Variants in CARMIL1 observed in about 807,000 individuals in gnomAD.
CARMIL1 encodes the protein F-actin-uncapping protein LRRC16A.
Under a neutral mutation model 177.1 loss-of-function variants are expected in CARMIL1, and 90 were observed. That is an observed-to-expected ratio of 0.51 (90% CI 0.43 to 0.61). CARMIL1 has a LOEUF of 0.61. Ranked by LOEUF, CARMIL1 falls within the 20% of genes least tolerant of loss-of-function variation. The pLI, the probability that CARMIL1 is intolerant of heterozygous loss-of-function variation, is 0.00. For missense variants in CARMIL1, 1,380 were observed against 1,667.0 expected (o/e 0.83, Z 3.00); for synonymous variants, 577 against 606.2 (o/e 0.95, Z 0.71).
intron 2 of CARMIL1, among the ~76,000 whole-genome samples, chr6:25,400,752 T>C (rs894923420): frequency 2.6e-5 from 4 of 152,232 alleles, no homozygotes; most frequent in African/African-American, 9.6e-5. Flanking sequence ...GGAAGGTAAC[T>C]GATAGCAGAG....
intron 2 of CARMIL1, among the ~76,000 whole-genome samples, chr6:25,367,799 C>G (rs771038589): frequency 2.6e-5 from 4 of 152,172 alleles, no homozygotes; most frequent in Non-Finnish European, 5.9e-5. Context: ...CGGTCTGTCG[C>G]CTAGGCTGGA....
chr6:25,386,750 TATTG>T (rs995461646), intron 2 of CARMIL1, among the ~76,000 whole-genome samples: 7 of 152,192 alleles, frequency 4.6e-5, no homozygotes, highest in African/African-American at 1.7e-4. Flanking sequence ...TGGTCATTTT[TATTG>T]ATTTTACTTT....
chr6:25,399,113 A>G (rs989260125), intron 2 of CARMIL1, among the ~76,000 whole-genome samples: 1 of 152,190 alleles, frequency 6.6e-6, no homozygotes, highest in Admixed American at 6.5e-5. Flanking sequence ...TAGTGTGTGG[A>G]GAGAAGGCCT....
chr6:25,382,751 T>C (rs1401930826), intron 2 of CARMIL1, among the ~76,000 whole-genome samples: 3 of 152,178 alleles, frequency 2.0e-5, no homozygotes, highest in Non-Finnish European at 4.4e-5. Context: ...TTGATGCATT[T>C]ACAATCCTTT....
At chr6:25,523,960 G>A (rs1806835272) in intron 23 of CARMIL1, among the ~76,000 whole-genome samples, 1 of 152,152 alleles carries the variant, frequency 6.6e-6, no homozygotes, top group Middle Eastern at 3.2e-3. Flanking sequence ...CCTTTCATGG[G>A]TTTTATTTCC....
In CARMIL1 at chr6:25,509,547, T is replaced by C. The variant is rs777363126; in HGVS notation, c.1396-109T>C. ...GAGTTGATAAGCTTTTACTTTTTCT[T>C]TGGTACTAAGTTTATTTTAAGACTG... On this transcript the variant is annotated intron_variant, in intron 17 of 36. Coordinates refer to ENST00000329474, the MANE Select transcript of CARMIL1 (RefSeq NM_017640.6). The surrounding 1 kb of genome is among the most constrained non-coding windows in gnomAD (Gnocchi z 4.1). 1 of 719,794 alleles carries C rather than the reference T, an allele frequency of 1.4e-6. No homozygotes were observed. Among genetic ancestry groups the C allele is most frequent in the Non-Finnish European group, 2.4e-6 (1 of 423,280 alleles). 44.6% of individuals were successfully genotyped at this position (719,794 alleles called of 1,614,324 possible). A position where few individuals can be genotyped will look rare whatever the true frequency, so the allele number is the denominator to read the frequency against.
At chr6:25,580,612 C>T (rs1228423591) in intron 29 of CARMIL1, among the ~76,000 whole-genome samples, 1 of 152,128 alleles carries the variant, frequency 6.6e-6, no homozygotes, top group Non-Finnish European at 1.5e-5. Flanking sequence ...TTTTAACAGT[C>T]TTTGATTTTT....
chr6:25,370,487 A>G (rs1158206651), intron 2 of CARMIL1, among the ~76,000 whole-genome samples: 1 of 152,220 alleles, frequency 6.6e-6, no homozygotes, highest in Non-Finnish European at 1.5e-5. Context: ...CCTGGCTAGT[A>G]AAGAAGACGT....
chr6:25,499,218 A>C (rs1186953576), intron 16 of CARMIL1, among the ~76,000 whole-genome samples: 2 of 152,218 alleles, frequency 1.3e-5, no homozygotes, highest in African/African-American at 4.8e-5. Flanking sequence ...TTTCCTGGGA[A>C]CATGGAAAAC....
chr6:25,457,952 G>T (rs1799686869), intron 8 of CARMIL1, among the ~76,000 whole-genome samples: 1 of 152,106 alleles, frequency 6.6e-6, no homozygotes, highest in African/African-American at 2.4e-5. Context: ...CACTTTCCTG[G>T]TATACTTAAC....
intron 2 of CARMIL1, among the ~76,000 whole-genome samples, chr6:25,370,745 T>A (rs1016142399): frequency 3.3e-5 from 5 of 150,108 alleles, no homozygotes; most frequent in East Asian, 3.9e-4. Flanking sequence ...CTAAACATAT[T>A]TTTTTTTTAG....
At chr6:25,618,251 G>A (rs1759442613) in intron 36 of CARMIL1, among the ~76,000 whole-genome samples, 1 of 143,314 alleles carries the variant, frequency 7.0e-6, no homozygotes. Context: ...TTAGTAGCCA[G>A]CAAGATAAGT....
chr6:25,506,117 G>T (rs2151035021), intron 17 of CARMIL1, among the ~76,000 whole-genome samples: 1 of 152,342 alleles, frequency 6.6e-6, no homozygotes, highest in South Asian at 2.1e-4. Context: ...CCAACCTTGA[G>T]GCAAGCATCA....
chr6:25,370,845 G>A (rs924438194), intron 2 of CARMIL1, among the ~76,000 whole-genome samples: 4 of 152,044 alleles, frequency 2.6e-5, no homozygotes, highest in Non-Finnish European at 4.4e-5. Flanking sequence ...TGAAGTCTGC[G>A]ATTTTAGTGC....
intron 2 of CARMIL1, among the ~76,000 whole-genome samples, chr6:25,315,358 G>A (rs1157290506): frequency 6.6e-6 from 1 of 152,202 alleles, no homozygotes; most frequent in Non-Finnish European, 1.5e-5. Context: ...CTCATTTACT[G>A]CTCACTGTGT....
intron 2 of CARMIL1, among the ~76,000 whole-genome samples, chr6:25,409,655 A>G (rs1441576178): frequency 6.6e-6 from 1 of 152,150 alleles, no homozygotes; most frequent in Admixed American, 6.5e-5. Context: ...GCTAGTATTT[A>G]TCAAACTTTC....
intron 5 of CARMIL1, among the ~76,000 whole-genome samples, chr6:25,442,464 G>GTA (rs1562142148): frequency 3.5e-5 from 5 of 141,388 alleles, no homozygotes; most frequent in African/African-American, 1.1e-4. Context: ...CAGTGTGTGT[G>GTA]TGTATGTGTG....
At chr6:25,364,155 G>A (rs1223306347) in intron 2 of CARMIL1, among the ~76,000 whole-genome samples, 2 of 151,426 alleles carry the variant, frequency 1.3e-5, no homozygotes, top group African/African-American at 4.9e-5. Context: ...ATGTTGCCTC[G>A]GCTGGTCTTG....
intron 2 of CARMIL1, among the ~76,000 whole-genome samples, chr6:25,293,147 G>A (rs1782108609): frequency 6.6e-6 from 1 of 151,228 alleles, no homozygotes; most frequent in African/African-American, 2.4e-5. Context: ...TATATATGGG[G>A]TATATCATTG....
Sources: allele counts gnomAD v4.1 joint callset (sites outside exome capture counted in the v4.1 genomes callset), GRCh38; gene constraint gnomAD v4.1.1; non-coding constraint Gnocchi (gnomAD v3.1); transcripts MANE v1.5; gene names NCBI Gene and HGNC (gene_info 2026-07-23, HGNC 2026-07-21).